Variants in ZBTB7C observed in about 807,000 individuals in gnomAD.
The protein encoded by ZBTB7C is zinc finger and BTB domain containing 7C, also known as zinc finger and BTB domain-containing protein 7C.
ZBTB7C carries 8 observed loss-of-function variants against 25.7 expected under a neutral mutation model. The ratio of observed to expected loss-of-function variants is 0.31; its 90% confidence interval spans 0.18 to 0.56. The LOEUF (loss-of-function observed/expected upper bound fraction) is 0.56, where lower values mean the gene tolerates loss of function less well. Ranked by LOEUF, ZBTB7C falls within the 20% of genes least tolerant of loss-of-function variation. The probability of loss-of-function intolerance (pLI) is 0.91; values close to 1 mark genes in which losing one functional copy is unlikely to be tolerated. For missense variants in ZBTB7C, 824 were observed against 855.2 expected, an observed-to-expected ratio of 0.96 and a Z score of 0.46; for synonymous variants, 394 against 369.0, an observed-to-expected ratio of 1.07 and a Z score of -0.78.
At chr18:48,260,720 G>T (rs1402055298) in intron 2 of ZBTB7C, among the ~76,000 whole-genome samples, 1 of 152,136 alleles carries the variant, frequency 6.6e-6, no homozygotes, top group Non-Finnish European at 1.5e-5. Flanking sequence ...TTTCGAGTTG[G>T]CAAAACCAAA....
intron 4 of ZBTB7C, among the ~76,000 whole-genome samples, chr18:48,034,520 C>CCTCCTCCTCCCAGCA (rs1335536378): frequency 6.6e-6 from 1 of 152,198 alleles, no homozygotes; most frequent in East Asian, 1.9e-4. Flanking sequence ...TCCTCCCAGC[C>CCTCCTCCTCCCAGCA]CTCCTCCTCC....
intron 3 of ZBTB7C, among the ~76,000 whole-genome samples, chr18:48,146,090 T>C (rs1189329250): frequency 6.6e-6 from 1 of 152,200 alleles, no homozygotes; most frequent in African/African-American, 2.4e-5. Flanking sequence ...TTGCCTAAAA[T>C]GCATGTGTTG....
chr18:48,078,054 G>A (rs1446438644), intron 3 of ZBTB7C, among the ~76,000 whole-genome samples: 1 of 152,168 alleles, frequency 6.6e-6, no homozygotes, highest in Non-Finnish European at 1.5e-5. Flanking sequence ...CTCTCCCCAA[G>A]ACAGGTGGAG....
chr18:48,153,496 G>GAAAGACCCAGGGAGCT (rs1369597581), intron 3 of ZBTB7C, among the ~76,000 whole-genome samples: 27 of 152,176 alleles, frequency 1.8e-4, no homozygotes, highest in Admixed American at 1.7e-3. Context: ...TAGGGCATGA[G>GAAAGACCCAGGGAGCT]AAAGACCCAG....
intron 2 of ZBTB7C, among the ~76,000 whole-genome samples, chr18:48,332,703 A>G (rs2144919412): frequency 7.1e-6 from 1 of 140,390 alleles, no homozygotes; most frequent in South Asian, 2.3e-4. Context: ...TTTTTTAAGA[A>G]AAGCCATTTT....
chr18:48,095,747 A>AAAATAAAAT (rs35953333), intron 3 of ZBTB7C, among the ~76,000 whole-genome samples: 13 of 89,846 alleles, frequency 1.4e-4, no homozygotes, highest in South Asian at 5.5e-4. Context: ...TAAAATAAAA[A>AAAATAAAAT]TGGTTATTGG....
At chr18:48,207,636 TAGAGA>T (rs1568302959) in intron 2 of ZBTB7C, among the ~76,000 whole-genome samples, 3,118 of 144,578 alleles carry the variant, frequency 0.022, 42 homozygotes, top group Non-Finnish European at 0.034. Flanking sequence ...ATATATTCTA[TAGAGA>T]CTGGATTTCC....
At chr18:48,168,579 A>G (rs34962603) in intron 3 of ZBTB7C, among the ~76,000 whole-genome samples, 59,108 of 152,110 alleles carry the variant, frequency 0.39, 12,878 homozygotes, top group Middle Eastern at 0.58. Context: ...AATCTCACCA[A>G]TGATTTTTAT....
chr18:48,186,288 T>C (rs756543797), intron 2 of ZBTB7C, among the ~76,000 whole-genome samples: 4 of 152,204 alleles, frequency 2.6e-5, no homozygotes, highest in Admixed American at 6.5e-5. Flanking sequence ...CCCTGGCTTC[T>C]TCCCACTCCG....
chr18:48,108,074 G>C (rs4368221), intron 3 of ZBTB7C, among the ~76,000 whole-genome samples: 41,658 of 152,120 alleles, frequency 0.27, 6,010 homozygotes, highest in East Asian at 0.35. Flanking sequence ...TGGCGTCTGA[G>C]GCTGGTCTCC....
chr18:48,207,623 AAAATATATTCTATAGAGACTGGATTTC>A (rs762796726), intron 2 of ZBTB7C, among the ~76,000 whole-genome samples: 2 of 143,854 alleles, frequency 1.4e-5, no homozygotes, highest in Non-Finnish European at 3.2e-5. Context: ...CTATCCATCT[AAAATATATTCTATAGAGACTGGATTTC>A]CCTATGTTGC....
At chr18:48,258,045 C>T (rs2044070077) in intron 2 of ZBTB7C, among the ~76,000 whole-genome samples, 1 of 152,052 alleles carries the variant, frequency 6.6e-6, no homozygotes, top group African/African-American at 2.4e-5. Context: ...AGGAAAAAAA[C>T]AGAAAACAAA....
At chr18:48,177,329 C>T (rs901344485) in intron 3 of ZBTB7C, among the ~76,000 whole-genome samples, 1 of 152,204 alleles carries the variant, frequency 6.6e-6, no homozygotes, top group African/African-American at 2.4e-5. Flanking sequence ...TTCCTTTTGG[C>T]TGGCACTTCT....
chr18:48,180,236 TTCC>T, intron 3 of ZBTB7C: 1 of 355,724 alleles, frequency 2.8e-6, no homozygotes, highest in South Asian at 2.3e-5. Flanking sequence ...CCTTCCCTCC[TTCC>T]TTCCTTCCAT....
At chr18:48,264,741 T>C (rs573088717) in intron 2 of ZBTB7C, among the ~76,000 whole-genome samples, 46 of 152,226 alleles carry the variant, frequency 3.0e-4, no homozygotes, top group Non-Finnish European at 6.0e-4. Context: ...TAACTACATG[T>C]TCATGTGGTG....
chr18:48,115,047 G>C (rs1194424258), intron 3 of ZBTB7C, among the ~76,000 whole-genome samples: 1 of 152,024 alleles, frequency 6.6e-6, no homozygotes, highest in East Asian at 1.9e-4. Flanking sequence ...ACCCCAAACA[G>C]AAACTATTCA....
chr18:48,062,020 C>T (rs2037144880), intron 3 of ZBTB7C, among the ~76,000 whole-genome samples: 2 of 152,140 alleles, frequency 1.3e-5, no homozygotes, highest in African/African-American at 2.4e-5. Flanking sequence ...TCTGTTCTCA[C>T]GTGTGGCAAG....
chr18:48,299,909 A>G (rs1253004100), intron 2 of ZBTB7C, among the ~76,000 whole-genome samples: 36 of 152,250 alleles, frequency 2.4e-4, no homozygotes, highest in Admixed American at 2.4e-3. Context: ...TATGAAAAAC[A>G]GATAGTATAA....
chr18:48,205,861 G>C (rs1278197591), intron 2 of ZBTB7C, among the ~76,000 whole-genome samples: 1 of 152,122 alleles, frequency 6.6e-6, no homozygotes, highest in Non-Finnish European at 1.5e-5. Flanking sequence ...CCTCTCTCAA[G>C]GTTGTTCCCC....
Sources: gnomAD v4.1 joint callset for allele counts (sites outside exome capture counted in the v4.1 genomes callset) on GRCh38, gnomAD v4.1.1 for gene constraint, MANE v1.5 for transcripts, NCBI Gene and HGNC (gene_info 2026-07-23, HGNC 2026-07-21) for gene names.